The following ANKRD17 variants were observed in gnomAD, a reference collection of about 807,000 sequenced individuals.
The protein encoded by ANKRD17 is ankyrin repeat domain 17, also known as ankyrin repeat domain-containing protein 17.
A neutral mutation model predicts 229.7 loss-of-function variants in ANKRD17; 19 were observed. The observed-to-expected ratio is 0.08, with a 90% confidence interval of 0.06 to 0.12. The LOEUF (loss-of-function observed/expected upper bound fraction) is 0.12. Ranked by LOEUF, ANKRD17 falls within the 10% of genes least tolerant of loss-of-function variation. The probability of loss-of-function intolerance (pLI) is 1.00; values close to 1 mark genes in which losing one functional copy is unlikely to be tolerated. For synonymous variants in ANKRD17, 1,112 were observed against 1,146.1 expected, an observed-to-expected ratio of 0.97 and a Z score of 0.60; for missense variants, 2,176 against 3,176.8, an observed-to-expected ratio of 0.68 and a Z score of 7.57.
At chr4:73,175,763 A>C (rs1325549578) in intron 2 of ANKRD17, among the ~76,000 whole-genome samples, 5 of 152,186 alleles carry the variant, frequency 3.3e-5, no homozygotes, top group African/African-American at 1.2e-4. Flanking sequence ...ATGCAGAAGA[A>C]TGAAACTAGA....
chr4:73,133,021 C>A (rs1382040996), intron 16 of ANKRD17, among the ~76,000 whole-genome samples: 1 of 152,054 alleles, frequency 6.6e-6, no homozygotes, highest in Non-Finnish European at 1.5e-5. Context: ...CTAATGCAGG[C>A]AGATCACCTG....
chr4:73,191,793 C>T (rs1737142300), intron 1 of ANKRD17, among the ~76,000 whole-genome samples: 1 of 151,932 alleles, frequency 6.6e-6, no homozygotes, highest in Admixed American at 6.5e-5. Context: ...ATTTTTCATC[C>T]ATTGACAGAT....
rs1745732447 is a variant in ANKRD17, at chr4:73,258,773, C to T, written c.-105G>A. 7.5e-7 allele frequency: 1 copy of T among 1,341,476 alleles called. No homozygotes were observed. The highest frequency in any genetic ancestry group is 9.5e-7 in the Non-Finnish European group (1 of 1,053,932). 83.1% of individuals were successfully genotyped at this position (1,341,476 alleles called of 1,614,324 possible). On this transcript the variant is annotated 5_prime_UTR_variant, in exon 1 of 34. Transcript: ENST00000358602. ...GACACAGCAATCGGTGCCGCCTCCG[C>T]CGCCACCGCCTCGGTCACCTCTACT... is the stretch of plus-strand genomic sequence containing the variant.
chr4:73,211,062 T>C (rs1445625377), intron 1 of ANKRD17, among the ~76,000 whole-genome samples: 4 of 152,136 alleles, frequency 2.6e-5, no homozygotes, highest in Non-Finnish European at 4.4e-5. Flanking sequence ...CCTAAATACA[T>C]AGATGACTTT....
chr4:73,125,253 C>T lies in ANKRD17; in HGVS notation c.3294G>A (p.Leu1098=), dbSNP rs144516370. The stretch of plus-strand genomic sequence containing the variant: ...CTCCTCTCTCTAGCAGTGTTTGTAC[C>T]AGTTCCTCGTGGCCACCAGCACAGG... ...TLACAGGHEE[L]VQTLLERGAS... The change falls in exon 17 of 34, where the codon CTG becomes CTA. Residue 1098 remains leucine, a synonymous_variant. Coordinates refer to ENST00000358602, the MANE Select transcript of ANKRD17 (RefSeq NM_032217.5). 6.4e-5 allele frequency: 103 copies of T among 1,613,970 alleles called. No homozygotes were observed. The African/African-American group carries it at 1.3e-3, about 21-fold the overall frequency.
chr4:73,158,326 C>T (rs1408095970), intron 3 of ANKRD17, among the ~76,000 whole-genome samples: 1 of 152,182 alleles, frequency 6.6e-6, no homozygotes, highest in African/African-American at 2.4e-5. Context: ...TTCCTCTTCC[C>T]TTTTACTTCT....
At position 73,090,580 on chromosome 4, in the gene ANKRD17, A is replaced by G; in HGVS notation, c.6961+87T>C. The G allele has an allele frequency of 2.6e-6, 4 of 1,522,124 alleles. No homozygotes were observed. In the South Asian group the frequency reaches 3.6e-5, roughly 14 times the overall value. The allele number at this position is 1,522,124 out of a possible 1,614,324, so 94.3% of individuals were successfully genotyped here. A position where few individuals can be genotyped will look rare whatever the true frequency, so the allele number is the denominator to read the frequency against. ...AACAATCTTTGTCTATATCGTCCAG[A>G]GAATAAAAATATTAGAAAATGACCA... On this transcript the variant is annotated intron_variant, in intron 29 of 33. Transcript: ENST00000358602.
Position 73,146,878 on chromosome 4 carries a change from A to T in ANKRD17, c.1760-5T>A, listed in dbSNP as rs909826502. 3.8e-5 allele frequency: 61 copies of T among 1,602,470 alleles called. No individual in the cohort carries two copies. Among genetic ancestry groups the T allele is most frequent in the Non-Finnish European group, 5.1e-5 (60 of 1,170,944 alleles). ...TTGTTGCATGAACGTTAGCTCCTGTAGTAGTCAACAAATAATACATAGACT... is the reference window on the plus strand; with the variant it reads ...TTGTTGCATGAACGTTAGCTCCTGTTGTAGTCAACAAATAATACATAGACT... On this transcript the variant is annotated splice_polypyrimidine_tract_variant and splice_region_variant and intron_variant, in intron 9 of 33. Transcript: ENST00000358602.
chr4:73,251,440 A>G (rs1367539572), intron 1 of ANKRD17, among the ~76,000 whole-genome samples: 1 of 152,200 alleles, frequency 6.6e-6, no homozygotes, highest in African/African-American at 2.4e-5. Flanking sequence ...GTGGATGGAC[A>G]TAACTGTACC....
intron 1 of ANKRD17, among the ~76,000 whole-genome samples, chr4:73,227,183 T>A (rs1742598084): frequency 6.6e-6 from 1 of 152,130 alleles, no homozygotes; most frequent in South Asian, 2.1e-4. Context: ...AGACGGAGTC[T>A]TGCTTTGCAC....
intron 1 of ANKRD17, among the ~76,000 whole-genome samples, chr4:73,228,863 G>C (rs981505935): frequency 2.0e-5 from 3 of 152,114 alleles, no homozygotes; most frequent in Admixed American, 2.0e-4. Context: ...ATTCACAACA[G>C]CAAAGACTTG....
At chr4:73,114,603 C>T (rs565452355) in intron 23 of ANKRD17, among the ~76,000 whole-genome samples, 174 of 152,116 alleles carry the variant, frequency 1.1e-3, no homozygotes, top group South Asian at 2.3e-3. Context: ...GAGACTAATG[C>T]GTACCTGAGA....
Position 73,098,118 on chromosome 4 carries a change from A to G in ANKRD17, c.4976T>C (p.Phe1659Ser). Residue 1659 changes from phenylalanine to serine, a missense_variant, in exon 26 of 34, where the codon TTT (phenylalanine) becomes TCT (serine). Physicochemically the swap from Phe to Ser is radical, Grantham distance 155. This residue lies in a region of ANKRD17 where 98 missense variants were observed against 101.0 expected (regional missense o/e 0.97). Transcript: ENST00000358602. ...SKKQPSVLVT[F>S]PKEERKSVSG... ...AACAGATTTTCTCTCTTCCTTTGGA[A>G]ATGTAACAAGAACTGATGGCTGCTT... is the stretch of plus-strand genomic sequence containing the variant. 6.2e-7 allele frequency: 1 copy of G among 1,607,556 alleles called. No homozygotes were observed. The highest frequency in any genetic ancestry group is 8.5e-7 in the Non-Finnish European group (1 of 1,176,130).
chr4:73,105,932 T>C (rs1207470220), intron 24 of ANKRD17, among the ~76,000 whole-genome samples: 3 of 152,004 alleles, frequency 2.0e-5, no homozygotes, highest in African/African-American at 7.2e-5. Context: ...TGATAGAAAA[T>C]CCCAGACAGC....
intron 1 of ANKRD17, among the ~76,000 whole-genome samples, chr4:73,226,482 C>T (rs1742526333): frequency 1.4e-5 from 2 of 147,340 alleles, no homozygotes; most frequent in Non-Finnish European, 3.0e-5. Context: ...GCAACCTCCG[C>T]CTCTGGATTC....
intron 15 of ANKRD17, among the ~76,000 whole-genome samples, chr4:73,137,404 T>C (rs1319796493): frequency 6.6e-6 from 1 of 151,968 alleles, no homozygotes; most frequent in Admixed American, 6.6e-5. Context: ...ATGGTAGAAG[T>C]CTAATAAATG....
chr4:73,197,915 T>C (rs1738116908), intron 1 of ANKRD17, among the ~76,000 whole-genome samples: 1 of 152,234 alleles, frequency 6.6e-6, no homozygotes, highest in African/African-American at 2.4e-5. Context: ...TGTTTTTGGC[T>C]TGTATTCAAC....
At chr4:73,180,688 C>G (rs1735431122) in intron 1 of ANKRD17, among the ~76,000 whole-genome samples, 1 of 152,094 alleles carries the variant, frequency 6.6e-6, no homozygotes, top group African/African-American at 2.4e-5. Flanking sequence ...CAGAAAAGAA[C>G]AGGAATGAAT....
intron 9 of ANKRD17, 64 bp downstream of exon 9, chr4:73,147,177 C>T: frequency 7.2e-7 from 1 of 1,386,766 alleles, no homozygotes; most frequent in Non-Finnish European, 9.7e-7. Context: ...AAAATATTTG[C>T]ATTATGACAT....
Sources: gnomAD v4.1 joint callset for allele counts (sites outside exome capture counted in the v4.1 genomes callset) on GRCh38, gnomAD v4.1.1 for gene constraint, gnomAD v4.1.1 regional missense constraint, MANE v1.5 for transcripts, NCBI Gene and HGNC (gene_info 2026-07-23, HGNC 2026-07-21) for gene names.